The following CHST11 variants were observed in gnomAD, a reference collection of about 807,000 sequenced individuals.
CHST11 encodes C4S-1.
A neutral mutation model predicts 30.4 loss-of-function variants in CHST11; 9 were observed. That is an observed-to-expected ratio of 0.30 (90% CI 0.18 to 0.52). CHST11 has a LOEUF of 0.52. CHST11 is among the 20% of genes least tolerant of loss of function. The pLI, the probability that CHST11 is intolerant of heterozygous loss-of-function variation, is 0.97. For synonymous variants in CHST11, 152 were observed against 187.8 expected, an observed-to-expected ratio of 0.81 and a Z score of 1.56; for missense variants, 348 against 460.6, an observed-to-expected ratio of 0.76 and a Z score of 2.24.
chr12:104,542,217 T>G (rs1465490323), intron 1 of CHST11, among the ~76,000 whole-genome samples: 1 of 152,210 alleles, frequency 6.6e-6, no homozygotes, highest in East Asian at 1.9e-4. Context: ...AAATTAAACG[T>G]AGAATTATCA....
intron 2 of CHST11, among the ~76,000 whole-genome samples, chr12:104,744,834 A>T (rs186221373): frequency 0.014 from 2,095 of 151,418 alleles, 47 homozygotes; most frequent in African/African-American, 0.048. Context: ...ACAGCCAGTT[A>T]TCCCAGCATC....
chr12:104,689,716 A>C (rs1445357145), intron 2 of CHST11, among the ~76,000 whole-genome samples: 1 of 152,172 alleles, frequency 6.6e-6, no homozygotes, highest in Non-Finnish European at 1.5e-5. Context: ...TGGGAGAGAC[A>C]GAGCCCTATG....
intron 1 of CHST11, among the ~76,000 whole-genome samples, chr12:104,584,098 G>T (rs2038777421): frequency 6.6e-6 from 1 of 152,142 alleles, no homozygotes; most frequent in South Asian, 2.1e-4. Context: ...CCAACTCTTT[G>T]TTTAGAACTT....
intron 1 of CHST11, among the ~76,000 whole-genome samples, chr12:104,462,356 A>G (rs2037418293): frequency 6.6e-6 from 1 of 151,662 alleles, no homozygotes; most frequent in African/African-American, 2.4e-5. Context: ...TAGTTGAGAT[A>G]ACATCATGCA....
At chr12:104,572,767 G>A (rs1052051908) in intron 1 of CHST11, among the ~76,000 whole-genome samples, 3 of 152,142 alleles carry the variant, frequency 2.0e-5, no homozygotes, top group Admixed American at 6.6e-5. Context: ...GCTTTTGAAT[G>A]TGTTTGCTCT....
At chr12:104,603,198 AC>A (rs1307014941) in intron 2 of CHST11, among the ~76,000 whole-genome samples, 1 of 152,020 alleles carries the variant, frequency 6.6e-6, no homozygotes, top group Admixed American at 6.6e-5. Flanking sequence ...GTCCACACAC[AC>A]CCTGTCCTAA....
intron 2 of CHST11, among the ~76,000 whole-genome samples, chr12:104,677,499 G>T (rs899721162): frequency 1.3e-5 from 2 of 152,184 alleles, no homozygotes; most frequent in Non-Finnish European, 1.5e-5. Context: ...ATTAAAAGAG[G>T]CCCAAGATAT....
At chr12:104,732,493 T>A (rs949226009) in intron 2 of CHST11, among the ~76,000 whole-genome samples, 1 of 152,234 alleles carries the variant, frequency 6.6e-6, no homozygotes, top group African/African-American at 2.4e-5. Context: ...TTCATCACAT[T>A]AGAAATAGAC....
intron 1 of CHST11, among the ~76,000 whole-genome samples, chr12:104,596,896 C>G (rs2038911434): frequency 6.6e-6 from 1 of 152,186 alleles, no homozygotes; most frequent in Admixed American, 6.5e-5. Context: ...GGGGATTGGC[C>G]TATACTCGAA....
At chr12:104,628,581 G>A (rs984777855) in intron 2 of CHST11, among the ~76,000 whole-genome samples, 19 of 152,086 alleles carry the variant, frequency 1.2e-4, no homozygotes, top group African/African-American at 3.9e-4. Context: ...GCTCTGCATC[G>A]GCTCTAATGA....
intron 1 of CHST11, among the ~76,000 whole-genome samples, chr12:104,515,467 C>G (rs1297533061): frequency 6.6e-6 from 1 of 152,168 alleles, no homozygotes; most frequent in Admixed American, 6.5e-5. Flanking sequence ...AGCTAAGGCT[C>G]TCAAATTTCT....
chr12:104,555,746 C>G (rs1482897183), intron 1 of CHST11, among the ~76,000 whole-genome samples: 1 of 152,236 alleles, frequency 6.6e-6, no homozygotes, highest in Non-Finnish European at 1.5e-5. Flanking sequence ...AATTCATTGT[C>G]TTCCCTGGAG....
At chr12:104,599,262 G>A (rs1335304524) in intron 1 of CHST11, among the ~76,000 whole-genome samples, 3 of 152,198 alleles carry the variant, frequency 2.0e-5, no homozygotes, top group Admixed American at 2.0e-4. Context: ...CACGGTCAAA[G>A]CATTTTAAAG....
chr12:104,745,432 G>A (rs2040382617), intron 2 of CHST11, among the ~76,000 whole-genome samples: 1 of 152,064 alleles, frequency 6.6e-6, no homozygotes, highest in Admixed American at 6.6e-5. Flanking sequence ...CTCTTTTTTG[G>A]TTCCATATGA....
intron 1 of CHST11, among the ~76,000 whole-genome samples, chr12:104,566,629 T>G (rs2038569490): frequency 6.6e-6 from 1 of 152,166 alleles, no homozygotes; most frequent in Admixed American, 6.5e-5. Flanking sequence ...TTTCCTCTCT[T>G]TGCAGCAGAG....
intron 2 of CHST11, among the ~76,000 whole-genome samples, chr12:104,680,278 T>G (rs2039781764): frequency 6.6e-6 from 1 of 152,212 alleles, no homozygotes; most frequent in South Asian, 2.1e-4. Flanking sequence ...CTCTCAACAC[T>G]GGAGTGACAT....
chr12:104,692,724 C>T (rs1016926321), intron 2 of CHST11, among the ~76,000 whole-genome samples: 9 of 152,114 alleles, frequency 5.9e-5, no homozygotes, highest in Non-Finnish European at 1.0e-4. Context: ...TCAGTGGCCT[C>T]ATAAGATTCT....
At chr12:104,545,884 G>C (rs1400776621) in intron 1 of CHST11, among the ~76,000 whole-genome samples, 1 of 151,906 alleles carries the variant, frequency 6.6e-6, no homozygotes, top group Non-Finnish European at 1.5e-5. Context: ...AGAATGCAAT[G>C]GTATGATCTC....
At chr12:104,652,442 G>A (rs2039500316) in intron 2 of CHST11, among the ~76,000 whole-genome samples, 3 of 152,218 alleles carry the variant, frequency 2.0e-5, no homozygotes, top group Admixed American at 6.5e-5. Context: ...ACAAGGTGAG[G>A]AGACAGTCAC....
Sources: gnomAD v4.1 joint callset for allele counts (sites outside exome capture counted in the v4.1 genomes callset) on GRCh38, gnomAD v4.1.1 for gene constraint, MANE v1.5 for transcripts, NCBI Gene and HGNC (gene_info 2026-07-23, HGNC 2026-07-21) for gene names.